The following RASA1 variants were observed in gnomAD, a reference collection of about 807,000 sequenced individuals.
The protein encoded by RASA1 is RAS p21 protein activator 1.
Under a neutral mutation model 132.2 loss-of-function variants are expected in RASA1, and 25 were observed. That is an observed-to-expected ratio of 0.19 (90% CI 0.14 to 0.26). RASA1 has a LOEUF of 0.26. Ranked by LOEUF, RASA1 falls within the 10% of genes least tolerant of loss-of-function variation. The pLI is 1.00. For synonymous variants in RASA1, 477 were observed against 449.9 expected (o/e 1.06, Z -0.76); for missense variants, 964 against 1,299.2 (o/e 0.74, Z 3.97).
At position 87,385,460 on chromosome 5, in the gene RASA1, G is replaced by A. The variant is rs1580407993; in HGVS notation, c.2847+71G>A. On this transcript the variant is annotated intron_variant, in intron 22 of 24. Coordinates refer to ENST00000274376, the MANE Select transcript of RASA1 (RefSeq NM_002890.3). ...TTGACATGATAAAACCATAAATTGT[G>A]GCTTAAGTAAATTTTTAGCAGTGAA... is the stretch of plus-strand genomic sequence containing the variant. 4 of 1,199,676 alleles carry A rather than the reference G, an allele frequency of 3.3e-6. No homozygotes were observed. In the Middle Eastern group the frequency reaches 5.8e-4, roughly 174 times the overall value. 74.3% of individuals were successfully genotyped at this position (1,199,676 alleles called of 1,614,324 possible). A position where few individuals can be genotyped will look rare whatever the true frequency, so the allele number is the denominator to read the frequency against.
intron 1 of RASA1, among the ~76,000 whole-genome samples, chr5:87,301,739 G>T (rs1755373534): frequency 6.6e-6 from 1 of 151,840 alleles, no homozygotes. Context: ...GTGTCATGGT[G>T]GTCCTCAAAG....
Position 87,268,351 on chromosome 5 carries a change from G to A in RASA1, c.-101G>A, listed in dbSNP as rs892108205. On this transcript the variant is annotated 5_prime_UTR_variant, in exon 1 of 25. Coordinates refer to ENST00000274376, the MANE Select transcript of RASA1 (RefSeq NM_002890.3). ...TGTTGTTTCCTCAGCCTGGGGAGCT[G>A]AAGGGGAGACGCGTCTGGGTGGGGC... is the stretch of plus-strand genomic sequence containing the variant. The A allele has an allele frequency of 5.1e-6, 7 of 1,369,146 alleles. No individual in the cohort carries two copies. The East Asian group carries it at 1.0e-4, about 20-fold the overall frequency. 84.8% of individuals were successfully genotyped at this position (1,369,146 alleles called of 1,614,324 possible).
intron 1 of RASA1, among the ~76,000 whole-genome samples, chr5:87,283,138 T>TC (rs1754392499): frequency 6.7e-6 from 1 of 148,254 alleles, no homozygotes; most frequent in Admixed American, 6.7e-5. Context: ...AAGTTTTGTT[T>TC]TTTTTTTGTG....
intron 6 of RASA1, 91 bp from the exon 7 acceptor site, chr5:87,346,564 TTATTTTATCACTTTGAA>T: frequency 1.6e-6 from 1 of 617,990 alleles, no homozygotes; most frequent in Non-Finnish European, 2.8e-6. Flanking sequence ...TTAATTGCAT[TTATTTTATCACTTTGAA>T]TTAAACTTAC....
chr5:87,363,550 T>G (rs938325110), intron 11 of RASA1, 46 bp downstream of exon 11: 9 of 1,582,342 alleles, frequency 5.7e-6, no homozygotes, highest in African/African-American at 1.3e-5. Context: ...GTCTTAATAA[T>G]AAAATAGTAC....
At chr5:87,336,533 A>T (rs1331253486) in intron 4 of RASA1, among the ~76,000 whole-genome samples, 1 of 151,992 alleles carries the variant, frequency 6.6e-6, no homozygotes, top group African/African-American at 2.4e-5. Context: ...AGCCTGTTTT[A>T]GGGGGGATAA....
Position 87,369,895 on chromosome 5 carries a change from G to A in RASA1, c.1693G>A (p.Ala565Thr). The change falls in exon 12 of 25, where the codon GCA (alanine) becomes ACA (threonine). Residue 565 changes from alanine (A) to threonine (T), a missense_variant. Ala to Thr is a moderately conservative substitution (Grantham distance 58). Coordinates refer to ENST00000274376, the MANE Select transcript of RASA1 (RefSeq NM_002890.3). ...CTTTGCAGGAGAAACTCCAGAACAA[G>A]CAGAGGTAAGATTACTGTTTCTCAA... ...FYFAGETPEQ[A>T]EDWMKGLQAF... The A allele has an allele frequency of 6.2e-7, 1 of 1,604,228 alleles. No individual in the cohort carries two copies. Among genetic ancestry groups the A allele is most frequent in the Non-Finnish European group, 8.5e-7 (1 of 1,171,626 alleles).
chr5:87,327,871 A>C (rs1757340745), intron 1 of RASA1, among the ~76,000 whole-genome samples: 1 of 152,044 alleles, frequency 6.6e-6, no homozygotes, highest in Non-Finnish European at 1.5e-5. Flanking sequence ...AGGCAGAGAC[A>C]GGAGAATCAC....
chr5:87,301,181 A>G (rs1169974183), intron 1 of RASA1, among the ~76,000 whole-genome samples: 1 of 152,200 alleles, frequency 6.6e-6, no homozygotes, highest in Non-Finnish European at 1.5e-5. Context: ...TTTAGTGTAG[A>G]TATAATTTTG....
At chr5:87,333,117 C>G in intron 3 of RASA1, 150 bp from the exon 4 acceptor site, 1 of 1,185,534 alleles carries the variant, frequency 8.4e-7, no homozygotes, top group Non-Finnish European at 1.1e-6. Flanking sequence ...TTTCTAGGCA[C>G]TGGGTATTTA....
At chr5:87,277,191 C>T (rs1199331200) in intron 1 of RASA1, among the ~76,000 whole-genome samples, 1 of 152,090 alleles carries the variant, frequency 6.6e-6, no homozygotes, top group East Asian at 1.9e-4. Flanking sequence ...AAATACTATG[C>T]TTTTTATTTT....
At chr5:87,374,723 C>G (rs1441390179) in intron 14 of RASA1, 117 bp from the exon 15 acceptor site, 2 of 1,417,372 alleles carry the variant, frequency 1.4e-6, no homozygotes, top group African/African-American at 2.9e-5. Context: ...TTAGGTCTAG[C>G]ACACTGTTTT....
At chr5:87,272,135 C>T (rs1753871146) in intron 1 of RASA1, among the ~76,000 whole-genome samples, 2 of 147,716 alleles carry the variant, frequency 1.4e-5, no homozygotes, top group African/African-American at 2.5e-5. Context: ...GCAGCAAGAA[C>T]GAAACCCTGT....
chr5:87,271,990 T>TA lies in RASA1; in HGVS notation c.539+3012dup, dbSNP rs936047447. ...CAACACGGTGAAACCCCGTCTCTACTAAAAAAAAAAAATCAGCCGGTCGTG... is the reference window on the plus strand; with the variant it reads ...CAACACGGTGAAACCCCGTCTCTACTAAAAAAAAAAAAATCAGCCGGTCGTG... On this transcript the variant is annotated intron_variant, in intron 1 of 24. Transcript: ENST00000274376. Among the ~76,000 whole-genome samples, 471 of 143,166 alleles carry TA rather than the reference T, an allele frequency of 3.3e-3. 1 individual carries two copies. Among genetic ancestry groups the TA allele is most frequent in the African/African-American group, 7.9e-3 (311 of 39,308 alleles). 93.9% of individuals were successfully genotyped at this position (143,166 alleles called of 152,430 possible). A position where few individuals can be genotyped will look rare whatever the true frequency, so the allele number is the denominator to read the frequency against.
At chr5:87,316,555 A>G (rs1011406592) in intron 1 of RASA1, among the ~76,000 whole-genome samples, 6 of 152,128 alleles carry the variant, frequency 3.9e-5, no homozygotes, top group African/African-American at 1.4e-4. Flanking sequence ...CACTATCTAA[A>G]TATCTTTCTT....
At chr5:87,284,337 T>G (rs900321582) in intron 1 of RASA1, among the ~76,000 whole-genome samples, 1 of 152,222 alleles carries the variant, frequency 6.6e-6, no homozygotes, top group Non-Finnish European at 1.5e-5. Flanking sequence ...GCTTTCTCTC[T>G]CTATATAGAC....
chr5:87,389,256 G>T (rs949340674), intron 23 of RASA1, 137 bp from the exon 24 acceptor site: 6 of 1,074,632 alleles, frequency 5.6e-6, no homozygotes, highest in Admixed American at 4.0e-5. Context: ...GCTTGAACCC[G>T]GGAGGCGGAG....
chr5:87,316,885 A>G (rs80289350), intron 1 of RASA1, among the ~76,000 whole-genome samples: 21 of 143,416 alleles, frequency 1.5e-4, no homozygotes, highest in Non-Finnish European at 2.6e-4. Context: ...TGGATACCAC[A>G]TTTTTTTTTT....
chr5:87,369,349 T>A (rs1246070523), intron 11 of RASA1, among the ~76,000 whole-genome samples: 1 of 152,164 alleles, frequency 6.6e-6, no homozygotes, highest in Admixed American at 6.5e-5. Flanking sequence ...GAAGAGATGA[T>A]GTTTCCATTT....
Sources: gnomAD v4.1 joint callset for allele counts (sites outside exome capture counted in the v4.1 genomes callset) on GRCh38, gnomAD v4.1.1 for gene constraint, MANE v1.5 for transcripts, NCBI Gene and HGNC (gene_info 2026-07-23, HGNC 2026-07-21) for gene names.